The following TTLL7 variants were observed in gnomAD, a reference collection of about 807,000 sequenced individuals.
TTLL7 encodes the protein tubulin polyglutamylase TTLL7.
A neutral mutation model predicts 120.2 loss-of-function variants in TTLL7; 53 were observed. The ratio of observed to expected loss-of-function variants is 0.44; its 90% CI spans 0.35 to 0.55. The LOEUF is 0.55. Among genes scored for constraint, TTLL7 ranks in the 20% least tolerant of loss-of-function variants. The pLI is 0.00. For missense variants in TTLL7, 803 were observed against 1,054.7 expected (o/e 0.76, Z 3.31); for synonymous variants, 353 against 351.7 (o/e 1.00, Z -0.04).
At chr1:83,953,124 C>T (rs1346703004) in intron 1 of TTLL7, among the ~76,000 whole-genome samples, 1 of 152,134 alleles carries the variant, frequency 6.6e-6, no homozygotes, top group Non-Finnish European at 1.5e-5. Flanking sequence ...TATTCAGGCA[C>T]ACAGAGGAAT....
At chr1:83,891,043 G>A (rs1293445905) in intron 18 of TTLL7, among the ~76,000 whole-genome samples, 1 of 151,916 alleles carries the variant, frequency 6.6e-6, no homozygotes, top group South Asian at 2.1e-4. Flanking sequence ...AAGCATAGGT[G>A]AGTATTTTTT....
At position 83,881,371 on chromosome 1, in the gene TTLL7, C is replaced by T. The variant is rs1274587369; in HGVS notation, c.2543+1592G>A. Among the ~76,000 whole-genome samples, 72 of 149,802 alleles carry T rather than the reference C, an allele frequency of 4.8e-4. 1 individual carries two copies. In the East Asian group the frequency reaches 0.014, roughly 28 times the overall value. On this transcript the variant is annotated intron_variant, in intron 20 of 20. Transcript: ENST00000260505. ...ACAAAGGGCTAATATCCAGAATCTA[C>T]AATGAACTCAAACAAATTTACAAGA...
intron 17 of TTLL7, among the ~76,000 whole-genome samples, chr1:83,904,929 G>A (rs1657054862): frequency 6.6e-6 from 1 of 151,968 alleles, no homozygotes; most frequent in African/African-American, 2.4e-5. Flanking sequence ...ACAATTTGAT[G>A]TCTGCTATAA....
At chr1:83,879,836 C>A (rs937452719) in intron 20 of TTLL7, 2 of 151,922 alleles carry the variant, frequency 1.3e-5, no homozygotes, top group African/African-American at 4.8e-5. Context: ...GGTCGGAAAT[C>A]TCTTTTGACC....
At chr1:83,995,624 A>G (rs962568391) in intron 1 of TTLL7, among the ~76,000 whole-genome samples, 1 of 151,948 alleles carries the variant, frequency 6.6e-6, no homozygotes, top group Non-Finnish European at 1.5e-5. Context: ...TAAATTACCT[A>G]GTTTCAGGTA....
chr1:83,997,787 A>T (rs1323383379), intron 1 of TTLL7, among the ~76,000 whole-genome samples: 1 of 152,202 alleles, frequency 6.6e-6, no homozygotes, highest in Non-Finnish European at 1.5e-5. Flanking sequence ...AGATTTCCAG[A>T]GTTCTTCTTA....
chr1:83,906,422 ATCT>A lies in TTLL7; in HGVS notation c.2031_2033del (p.Glu677del). 1 of 1,612,306 alleles carries A rather than the reference ATCT, an allele frequency of 6.2e-7. No individual in the cohort carries two copies. The highest frequency in any genetic ancestry group is 8.5e-7 in the Non-Finnish European group (1 of 1,178,980). On this transcript the variant is annotated inframe_deletion, in exon 17 of 21. Coordinates refer to ENST00000260505, the MANE Select transcript of TTLL7 (RefSeq NM_024686.6). ...CAAATAAGGTCTGACTTGTTAGATC[ATCT>A]TCTTGTTCTTTTGTTTTCAGTTGCC...
intron 1 of TTLL7, among the ~76,000 whole-genome samples, chr1:83,995,481 T>G (rs1455065897): frequency 6.6e-6 from 1 of 151,950 alleles, no homozygotes; most frequent in Non-Finnish European, 1.5e-5. Flanking sequence ...TCCTGCTTTC[T>G]GCTATGTGAC....
chr1:83,962,301 C>G (rs1650082487), intron 1 of TTLL7, among the ~76,000 whole-genome samples: 1 of 152,098 alleles, frequency 6.6e-6, no homozygotes, highest in Non-Finnish European at 1.5e-5. Context: ...AGCCAAACAT[C>G]TAAGAGATAG....
At chr1:83,921,578 T>C (rs573335196) in intron 10 of TTLL7, among the ~76,000 whole-genome samples, 184 bp from the exon 11 acceptor site, 42 of 152,286 alleles carry the variant, frequency 2.8e-4, no homozygotes, top group Admixed American at 1.8e-3. Context: ...ACAATAGATA[T>C]GGTAAACAGA....
At position 83,883,015 on chromosome 1, in the gene TTLL7, T is replaced by G; in HGVS notation, c.2491A>C (p.Thr831Pro). ...CCTGAAAGTGATCCTCTTTTGTCAGTTGCATATTTGTAAACCACTAGCAGG... is the reference window on the plus strand; with the variant it reads ...CCTGAAAGTGATCCTCTTTTGTCAGGTGCATATTTGTAAACCACTAGCAGG... ...QCLLVVYKYA[T>P]DKRGSLSGIG... is the part of the protein sequence containing the mutation. The change falls in exon 20 of 21, where the codon ACT becomes CCT. Residue 831 changes from threonine (T) to proline (P), a missense_variant. Thr to Pro is a conservative substitution (Grantham distance 38). Coordinates refer to ENST00000260505, the MANE Select transcript of TTLL7 (RefSeq NM_024686.6). The G allele has an allele frequency of 6.2e-7, 1 of 1,612,704 alleles. No individual in the cohort carries two copies. The highest frequency in any genetic ancestry group is 1.1e-5 in the South Asian group (1 of 90,964).
intron 1 of TTLL7, among the ~76,000 whole-genome samples, chr1:83,956,497 G>A (rs1469306188): frequency 2.1e-5 from 3 of 146,300 alleles, no homozygotes; most frequent in Admixed American, 1.4e-4. Context: ...GCACAATCTT[G>A]GCTCACTGCA....
chr1:83,989,498 C>G (rs977317295), intron 1 of TTLL7, among the ~76,000 whole-genome samples: 1 of 152,120 alleles, frequency 6.6e-6, no homozygotes, highest in African/African-American at 2.4e-5. Flanking sequence ...ATTCTCTATT[C>G]TATTTCCCTG....
At chr1:83,879,305 C>T (rs1362692894) in intron 20 of TTLL7, among the ~76,000 whole-genome samples, 6 of 151,970 alleles carry the variant, frequency 3.9e-5, no homozygotes, top group African/African-American at 1.4e-4. Flanking sequence ...TACTTCTCTT[C>T]ACTCCTTGTG....
chr1:83,901,471 C>T (rs1194124613), intron 18 of TTLL7, among the ~76,000 whole-genome samples: 1 of 151,896 alleles, frequency 6.6e-6, no homozygotes, highest in African/African-American at 2.4e-5. Context: ...TAATATCGTA[C>T]TCTCTACTTT....
At chr1:83,900,168 T>C (rs1391515931) in intron 18 of TTLL7, 3 of 449,560 alleles carry the variant, frequency 6.7e-6, no homozygotes, top group Non-Finnish European at 1.3e-5. Context: ...GTCTTATTAT[T>C]GCTGTTCAAA....
At chr1:83,933,883 T>A in intron 8 of TTLL7, 117 bp from the exon 9 acceptor site, 1 of 896,768 alleles carries the variant, frequency 1.1e-6, no homozygotes, top group Non-Finnish European at 1.7e-6. Flanking sequence ...CTGTGGCATC[T>A]AGCCCCTGCC....
chr1:83,879,106 C>T (rs541875421), intron 20 of TTLL7, among the ~76,000 whole-genome samples: 1 of 151,716 alleles, frequency 6.6e-6, no homozygotes, highest in Non-Finnish European at 1.5e-5. Flanking sequence ...GTTTATATTA[C>T]CAAGTATACT....
rs886483072 is a variant in TTLL7, at chr1:83,919,951, T to C, written c.1365-117A>G. 3.3e-6 allele frequency: 3 copies of C among 914,428 alleles called. No individual in the cohort carries two copies. In the African/African-American group the frequency reaches 5.0e-5, roughly 15 times the overall value. 56.6% of individuals were successfully genotyped at this position (914,428 alleles called of 1,614,324 possible). ...ATTCTATACCAGTCACATTGCCAGG[T>C]ATAAGCATTTCTATACTGATTAGTG... On this transcript the variant is annotated intron_variant, in intron 12 of 20. Coordinates refer to ENST00000260505, the MANE Select transcript of TTLL7 (RefSeq NM_024686.6).
Sources: allele counts gnomAD v4.1 joint callset (sites outside exome capture counted in the v4.1 genomes callset), GRCh38; gene constraint gnomAD v4.1.1; transcripts MANE v1.5; gene names NCBI Gene and HGNC (gene_info 2026-07-23, HGNC 2026-07-21).